The following FRAS1 variants were observed in gnomAD, a reference collection of about 807,000 sequenced individuals.
FRAS1 encodes the protein Fraser extracellular matrix complex subunit 1.
In FRAS1, 290 loss-of-function variants were observed where a neutral mutation model predicts 435.2. The observed-to-expected ratio is 0.67, with a 90% CI of 0.61 to 0.73. The LOEUF is 0.73. FRAS1 is among the 30% of genes least tolerant of loss of function. The pLI, the probability that FRAS1 is intolerant of heterozygous loss-of-function variation, is 0.00. For synonymous variants in FRAS1, 1,800 were observed against 1,851.0 expected (o/e 0.97, Z 0.71); for missense variants, 4,860 against 5,001.5 (o/e 0.97, Z 0.85).
intron 2 of FRAS1, among the ~76,000 whole-genome samples, chr4:78,187,707 G>T (rs754284989): frequency 6.6e-6 from 1 of 151,946 alleles, no homozygotes; most frequent in African/African-American, 2.4e-5. Context: ...AGGTTCAAGC[G>T]ATTCTCCTGC....
chr4:78,082,962 A>G (rs1740962745), intron 2 of FRAS1, among the ~76,000 whole-genome samples: 1 of 152,134 alleles, frequency 6.6e-6, no homozygotes, highest in African/African-American at 2.4e-5. Flanking sequence ...ATATACCAGA[A>G]CATTAGACTG....
chr4:78,498,461 G>A (rs929746876), intron 60 of FRAS1, among the ~76,000 whole-genome samples: 8 of 151,302 alleles, frequency 5.3e-5, no homozygotes, highest in African/African-American at 1.9e-4. Flanking sequence ...AGCTGAGATC[G>A]TGCCATTGCA....
chr4:78,179,080 A>G (rs1578169429), intron 2 of FRAS1, among the ~76,000 whole-genome samples: 2 of 152,350 alleles, frequency 1.3e-5, no homozygotes, highest in Admixed American at 1.3e-4. Context: ...ACGTATCAGG[A>G]AAGTGTATAG....
intron 2 of FRAS1, among the ~76,000 whole-genome samples, chr4:78,226,688 T>C (rs1474589270): frequency 6.6e-6 from 1 of 152,140 alleles, no homozygotes; most frequent in Admixed American, 6.5e-5. Context: ...TTCTGATCAA[T>C]ATTCATAGCA....
rs560749571 is a variant in FRAS1, at chr4:78,451,125, A to G, written c.6464-647A>G. 3.3e-5 allele frequency among the ~76,000 whole-genome samples: 5 copies of G among 152,278 alleles called. No homozygotes were observed. The East Asian group carries it at 9.6e-4, about 29-fold the overall frequency. The stretch of plus-strand genomic sequence containing the variant: ...TTAATTATTTCATATGTCGGTGTCT[A>G]CTTTTAAAAGATAAGACCAGCCCCC... On this transcript the variant is annotated intron_variant, in intron 45 of 73. Coordinates refer to ENST00000512123, the MANE Select transcript of FRAS1 (RefSeq NM_025074.7).
chr4:78,347,407 C>A (rs1730647256), intron 20 of FRAS1, among the ~76,000 whole-genome samples: 1 of 152,180 alleles, frequency 6.6e-6, no homozygotes, highest in South Asian at 2.1e-4. Flanking sequence ...TGAATATCAA[C>A]TTTGGTTTAT....
chr4:78,540,141 A>G (rs1722003359), intron 73 of FRAS1, among the ~76,000 whole-genome samples: 2 of 152,232 alleles, frequency 1.3e-5, no homozygotes, highest in African/African-American at 4.8e-5. Flanking sequence ...TCACCAATAA[A>G]TAGTAAATTG....
At chr4:78,331,119 G>A (rs1435199524) in intron 18 of FRAS1, among the ~76,000 whole-genome samples, 1 of 152,094 alleles carries the variant, frequency 6.6e-6, no homozygotes, top group African/African-American at 2.4e-5. Flanking sequence ...CAGATTCCCC[G>A]ATAATAGGGC....
chr4:78,392,067 T>G lies in FRAS1; in HGVS notation c.3975+4366T>G, dbSNP rs537825580. Among the ~76,000 whole-genome samples the G allele has an allele frequency of 5.9e-5, 9 of 152,260 alleles. No individual in the cohort carries two copies. In the South Asian group the frequency reaches 6.2e-4, roughly 11 times the overall value. Reference sequence around the variant, plus strand: ...GAAAATGTTTCCTTAAATATACATATACTGGTTGAAATCTACATGGAGCAA... The same window carrying G: ...GAAAATGTTTCCTTAAATATACATAGACTGGTTGAAATCTACATGGAGCAA... On this transcript the variant is annotated intron_variant, in intron 29 of 73. Transcript: ENST00000512123.
chr4:78,194,572 G>A (rs1192520973), intron 2 of FRAS1, among the ~76,000 whole-genome samples: 1 of 152,198 alleles, frequency 6.6e-6, no homozygotes, highest in Non-Finnish European at 1.5e-5. Flanking sequence ...ATTGGCGACT[G>A]AGGCTTGTGC....
chr4:78,333,480 C>G, intron 19 of FRAS1, 68 bp downstream of exon 19: 2 of 1,479,222 alleles, frequency 1.4e-6, no homozygotes, highest in Non-Finnish European at 1.8e-6. Context: ...TAGCCAGACA[C>G]TGTAATTAGA....
At chr4:78,127,725 GTTTT>G (rs907303775) in intron 2 of FRAS1, among the ~76,000 whole-genome samples, 3 of 151,632 alleles carry the variant, frequency 2.0e-5, no homozygotes, top group Non-Finnish European at 4.4e-5. Flanking sequence ...GATGAAGTAA[GTTTT>G]TTTTATTTAT....
At chr4:78,186,559 A>G (rs1048719860) in intron 2 of FRAS1, among the ~76,000 whole-genome samples, 1 of 152,154 alleles carries the variant, frequency 6.6e-6, no homozygotes, top group African/African-American at 2.4e-5. Flanking sequence ...TATAGTTTTA[A>G]GACAAACTTA....
intron 18 of FRAS1, among the ~76,000 whole-genome samples, chr4:78,320,661 GTCTCTC>G (rs372055845): frequency 0.018 from 2,755 of 149,626 alleles, 47 homozygotes; most frequent in Admixed American, 0.053. Flanking sequence ...CCCTCCTTCT[GTCTCTC>G]TCTCTCTCTC....
intron 47 of FRAS1, among the ~76,000 whole-genome samples, chr4:78,459,671 C>T (rs1211960957): frequency 6.6e-6 from 1 of 152,208 alleles, no homozygotes; most frequent in Non-Finnish European, 1.5e-5. Flanking sequence ...TAAAAAGTTA[C>T]ACAGAATATG....
intron 2 of FRAS1, among the ~76,000 whole-genome samples, chr4:78,119,475 G>A (rs1387622838): frequency 6.6e-6 from 1 of 152,078 alleles, no homozygotes; most frequent in Non-Finnish European, 1.5e-5. Flanking sequence ...TTAACATAGT[G>A]TCCTCTAGTT....
chr4:78,326,366 A>G (rs1055422367), intron 18 of FRAS1, among the ~76,000 whole-genome samples: 1 of 152,204 alleles, frequency 6.6e-6, no homozygotes, highest in South Asian at 2.1e-4. Flanking sequence ...GATAACTCCA[A>G]GGTTTCAGCA....
chr4:78,498,775 C>A (rs1720587226), intron 60 of FRAS1, among the ~76,000 whole-genome samples: 1 of 151,940 alleles, frequency 6.6e-6, no homozygotes, highest in Non-Finnish European at 1.5e-5. Flanking sequence ...ACCACCCCAC[C>A]CTTCCCCATG....
intron 4 of FRAS1, among the ~76,000 whole-genome samples, chr4:78,247,787 G>A (rs953684162): frequency 1.3e-5 from 2 of 152,154 alleles, no homozygotes; most frequent in African/African-American, 4.8e-5. Flanking sequence ...CCCTAGGGCG[G>A]GTAATGGAGA....
Sources: allele counts gnomAD v4.1 joint callset (sites outside exome capture counted in the v4.1 genomes callset), GRCh38; gene constraint gnomAD v4.1.1; transcripts MANE v1.5; gene names NCBI Gene and HGNC (gene_info 2026-07-23, HGNC 2026-07-21).